ANK3: variants seen among roughly 807,000 people sequenced by gnomAD.
ANK3 encodes the protein ankyrin 3, also known as ankyrin-3.
A neutral mutation model predicts 370.9 loss-of-function variants in ANK3; 57 were observed. That is an observed-to-expected ratio of 0.15 (90% CI 0.12 to 0.19). The LOEUF is 0.19. ANK3 is among the 10% of genes least tolerant of loss of function. The pLI, the probability that ANK3 is intolerant of heterozygous loss-of-function variation, is 1.00. For synonymous variants in ANK3, 1,929 were observed against 1,946.3 expected (o/e 0.99, Z 0.23); for missense variants, 4,439 against 5,302.1 (o/e 0.84, Z 5.06).
intron 2 of ANK3, among the ~76,000 whole-genome samples, chr10:60,594,146 A>C (rs780064884): frequency 3.3e-5 from 5 of 152,218 alleles, no homozygotes; most frequent in African/African-American, 4.8e-5. Context: ...AATTAAAATA[A>C]TCAGTTTCTC....
chr10:60,581,239 G>A (rs1340815432), intron 2 of ANK3, among the ~76,000 whole-genome samples: 1 of 152,126 alleles, frequency 6.6e-6, no homozygotes, highest in Non-Finnish European at 1.5e-5. Context: ...CTTTGATGTG[G>A]TGTGAGAGAC....
chr10:60,465,404 A>G (rs2064987576), intron 2 of ANK3, among the ~76,000 whole-genome samples: 1 of 152,278 alleles, frequency 6.6e-6, no homozygotes, highest in African/African-American at 2.4e-5. Context: ...ATCAATATGT[A>G]TGATTTCCAG....
At chr10:60,140,351 C>T (rs779801890) in intron 23 of ANK3, 1 of 1,613,850 alleles carries the variant, frequency 6.2e-7, no homozygotes, top group Non-Finnish European at 8.5e-7. Flanking sequence ...AAAGATCTTA[C>T]TCTGCGGTAA....
intron 2 of ANK3, among the ~76,000 whole-genome samples, chr10:60,471,892 T>C (rs2065228467): frequency 2.0e-5 from 3 of 151,972 alleles, no homozygotes; most frequent in Admixed American, 2.0e-4. Flanking sequence ...AGCTTTCCTA[T>C]ACCGCAAATA....
intron 36 of ANK3, chr10:60,080,333 T>C (rs193021789): frequency 3.9e-6 from 2 of 508,974 alleles, no homozygotes; most frequent in African/African-American, 2.0e-5. Flanking sequence ...CTTTAAAAAC[T>C]GTTTTGAAGT....
intron 8 of ANK3, among the ~76,000 whole-genome samples, chr10:60,216,682 G>A (rs2096942601): frequency 6.6e-6 from 1 of 152,138 alleles, no homozygotes; most frequent in Non-Finnish European, 1.5e-5. Flanking sequence ...TTTTACTGAG[G>A]ATTTTCTCAT....
chr10:60,470,004 T>C (rs2065177086), intron 2 of ANK3, among the ~76,000 whole-genome samples: 1 of 152,042 alleles, frequency 6.6e-6, no homozygotes, highest in African/African-American at 2.4e-5. Context: ...TCCCCAACTT[T>C]AGACTTAGTG....
At chr10:60,155,609 T>A (rs374890980) in intron 23 of ANK3, among the ~76,000 whole-genome samples, 6 of 152,316 alleles carry the variant, frequency 3.9e-5, no homozygotes, top group East Asian at 1.9e-4. Flanking sequence ...AAAGTATTGT[T>A]CCTGGGTGTG....
intron 7 of ANK3, among the ~76,000 whole-genome samples, chr10:60,259,809 G>T (rs1050986142): frequency 1.3e-5 from 2 of 152,264 alleles, no homozygotes; most frequent in Non-Finnish European, 2.9e-5. Context: ...ATTATGCTAT[G>T]AATTACAGAA....
In ANK3 at chr10:60,317,549, A is replaced by T. The variant is rs188173354; in HGVS notation, c.115-37910T>A. On this transcript the variant is annotated intron_variant, in intron 1 of 43. Coordinates refer to ENST00000280772, the MANE Select transcript of ANK3 (RefSeq NM_020987.5). The stretch of plus-strand genomic sequence containing the variant: ...CTTACTTTTGTATGTATCTATTTTT[A>T]AAAAATCACTAAATATATGAAATTT... Among the ~76,000 whole-genome samples the T allele has an allele frequency of 5.6e-3, 848 of 152,164 alleles. 4 individuals carry two copies. The highest frequency in any genetic ancestry group is 9.9e-3 in the Non-Finnish European group (670 of 67,992).
intron 23 of ANK3, chr10:60,140,116 C>T (rs113389005): frequency 1.8e-6 from 1 of 558,994 alleles, no homozygotes; most frequent in African/African-American, 1.9e-5. Context: ...TTACATTTTC[C>T]ATTCATTTAA....
chr10:60,351,191 T>G (rs719095), intron 1 of ANK3, among the ~76,000 whole-genome samples: 106,123 of 152,010 alleles, frequency 0.7, 38,311 homozygotes, highest in South Asian at 0.91. Context: ...ACTGAGAAAG[T>G]TTTGCTCCCA....
intron 8 of ANK3, among the ~76,000 whole-genome samples, chr10:60,233,752 T>C (rs1372759516): frequency 6.6e-6 from 1 of 152,178 alleles, no homozygotes; most frequent in African/African-American, 2.4e-5. Context: ...AAATTTTTAA[T>C]TGTGGTAAAA....
chr10:60,560,301 C>T (rs1325132644), intron 2 of ANK3, among the ~76,000 whole-genome samples: 1 of 152,032 alleles, frequency 6.6e-6, no homozygotes, highest in Non-Finnish European at 1.5e-5. Flanking sequence ...GAGCTTTGTT[C>T]TAGAAATTCC....
At chr10:60,505,549 C>T (rs2075916121) in intron 2 of ANK3, among the ~76,000 whole-genome samples, 1 of 152,080 alleles carries the variant, frequency 6.6e-6, no homozygotes, top group Non-Finnish European at 1.5e-5. Flanking sequence ...AGGGAAAGAA[C>T]CGGAAGTTCT....
At chr10:60,551,121 T>C (rs1259952441) in intron 2 of ANK3, among the ~76,000 whole-genome samples, 2 of 152,144 alleles carry the variant, frequency 1.3e-5, no homozygotes, top group Non-Finnish European at 2.9e-5. Flanking sequence ...TTTTTTGTTT[T>C]CTTGCTTTTT....
intron 1 of ANK3, among the ~76,000 whole-genome samples, chr10:60,708,273 C>A (rs1388338711): frequency 4.6e-5 from 7 of 152,180 alleles, no homozygotes; most frequent in Non-Finnish European, 1.0e-4. Context: ...TGCCTACCTA[C>A]AGAGAAATCC....
At chr10:60,175,146 C>A (rs116908985) in intron 18 of ANK3, among the ~76,000 whole-genome samples, 2,430 of 152,264 alleles carry the variant, frequency 0.016, 39 homozygotes, top group Non-Finnish European at 0.022. Flanking sequence ...CCTCCTCATC[C>A]CCCATCCATA....
chr10:60,603,377 C>T (rs963074992), intron 2 of ANK3, among the ~76,000 whole-genome samples: 1 of 151,960 alleles, frequency 6.6e-6, no homozygotes, highest in Admixed American at 6.6e-5. Flanking sequence ...TGGCATCATG[C>T]AATGAAGTGC....
Sources: gnomAD v4.1 joint callset for allele counts (sites outside exome capture counted in the v4.1 genomes callset) on GRCh38, gnomAD v4.1.1 for gene constraint, MANE v1.5 for transcripts, NCBI Gene and HGNC (gene_info 2026-07-23, HGNC 2026-07-21) for gene names.